The following SLC9D1 variants were observed in gnomAD, a reference collection of about 807,000 sequenced individuals.
SLC9D1 encodes the protein solute carrier family 9 member D1.
chr13:113,502,050 G>A, the SLC9D1 span, among the ~76,000 whole-genome samples: 2 of 152,176 alleles, frequency 1.3e-5, no homozygotes, highest in African/African-American at 4.8e-5. Flanking sequence ...TCAGGAAGTC[G>A]CTGTGCCTGT....
the SLC9D1 span, among the ~76,000 whole-genome samples, chr13:113,506,378 G>GC: frequency 4.7e-5 from 4 of 85,592 alleles, no homozygotes; most frequent in Non-Finnish European, 8.7e-5. Context: ...GGAGGAAGAA[G>GC]CTGTTATGGG....
At chr13:113,517,637 G>T in the SLC9D1 span, among the ~76,000 whole-genome samples, 40,819 of 152,078 alleles carry the variant, frequency 0.27, 9,236 homozygotes, top group African/African-American at 0.62. Context: ...TGGATAATTT[G>T]CAGATATAGT....
At chr13:113,498,756 C>G in the SLC9D1 span, 1 of 375,844 alleles carries the variant, frequency 2.7e-6, no homozygotes. Context: ...AGCAGCTTGT[C>G]TGCATTTTCC....
chr13:113,494,986 C>T, the SLC9D1 span, among the ~76,000 whole-genome samples: 1 of 152,034 alleles, frequency 6.6e-6, no homozygotes, highest in South Asian at 2.1e-4. Flanking sequence ...CGGGTTCTAG[C>T]GATTAGTAGC....
the SLC9D1 span, among the ~76,000 whole-genome samples, chr13:113,517,444 G>C: frequency 2.9e-4 from 44 of 152,246 alleles, no homozygotes; most frequent in African/African-American, 1.0e-3. Context: ...TAGCCAGGAT[G>C]GTCTCGATCT....
At chr13:113,495,714 C>G in the SLC9D1 span, 215 of 1,613,330 alleles carry the variant, frequency 1.3e-4, 2 homozygotes, top group East Asian at 4.1e-3. Flanking sequence ...GGCTGCCATG[C>G]AGAGCCGGCA....
At chr13:113,495,762 C>T in the SLC9D1 span, 1 of 1,614,098 alleles carries the variant, frequency 6.2e-7, no homozygotes, top group Non-Finnish European at 8.5e-7. Context: ...CTCAGGGCTT[C>T]TCCGCCAGAA....
chr13:113,533,486 G>A, the SLC9D1 span, among the ~76,000 whole-genome samples: 56,568 of 152,048 alleles, frequency 0.37, 11,823 homozygotes, highest in African/African-American at 0.56. Flanking sequence ...GTATATTTGT[G>A]AAGACGGCAG....
At chr13:113,498,823 G>A in the SLC9D1 span, among the ~76,000 whole-genome samples, 1 of 152,178 alleles carries the variant, frequency 6.6e-6, no homozygotes, top group Admixed American at 6.5e-5. Context: ...CTGGACAGTT[G>A]GGTTTAATGC....
chr13:113,533,737 G>T, the SLC9D1 span, among the ~76,000 whole-genome samples: 1 of 152,216 alleles, frequency 6.6e-6, no homozygotes, highest in East Asian at 1.9e-4. Flanking sequence ...GAGGCCTGGC[G>T]AGGAATTTTA....
At chr13:113,541,411 T>A in the SLC9D1 span, among the ~76,000 whole-genome samples, 3 of 146,986 alleles carry the variant, frequency 2.0e-5, no homozygotes, top group Non-Finnish European at 2.9e-5. Context: ...CGATCGCTGA[T>A]CACTGCCATG....
At chr13:113,524,493 C>A in the SLC9D1 span, among the ~76,000 whole-genome samples, 1 of 152,108 alleles carries the variant, frequency 6.6e-6, no homozygotes, top group Non-Finnish European at 1.5e-5. Flanking sequence ...TGCCACCACA[C>A]CTGGCTAATT....
the SLC9D1 span, chr13:113,529,726 C>T: frequency 6.6e-6 from 1 of 152,024 alleles, no homozygotes; most frequent in Non-Finnish European, 1.5e-5. Context: ...CACAGAGCTC[C>T]CATTTGACCC....
the SLC9D1 span, among the ~76,000 whole-genome samples, chr13:113,546,256 G>A: frequency 6.6e-6 from 1 of 152,098 alleles, no homozygotes; most frequent in Non-Finnish European, 1.5e-5. The surrounding 1 kb of genome is among the most constrained non-coding windows in gnomAD (Gnocchi z 7.1). Flanking sequence ...GGGGAAGCAG[G>A]ACTGGGGCCG....
At chr13:113,528,720 A>G in the SLC9D1 span, 1 of 146,856 alleles carries the variant, frequency 6.8e-6, no homozygotes, top group Non-Finnish European at 1.5e-5. Flanking sequence ...GAGGGTCCTT[A>G]TGATAAGAGG....
chr13:113,546,495 C>T, the SLC9D1 span, among the ~76,000 whole-genome samples: 1 of 152,130 alleles, frequency 6.6e-6, no homozygotes, highest in Non-Finnish European at 1.5e-5. This position sits in a 1 kb window ranked among gnomAD's most constrained non-coding sequence, Gnocchi z 7.1. Flanking sequence ...CGCAAGAGAA[C>T]CCCGGGTCGT....
the SLC9D1 span, among the ~76,000 whole-genome samples, chr13:113,500,837 C>T: frequency 1.3e-5 from 2 of 152,194 alleles, no homozygotes; most frequent in Non-Finnish European, 2.9e-5. Flanking sequence ...AGGAAGAGGA[C>T]TAGCCAGAGA....
chr13:113,502,607 G>A, the SLC9D1 span, among the ~76,000 whole-genome samples: 7 of 152,190 alleles, frequency 4.6e-5, no homozygotes, highest in African/African-American at 1.2e-4. Context: ...GCTGGGCCCC[G>A]TCACACTGAT....
the SLC9D1 span, chr13:113,549,383 C>A: frequency 6.2e-7 from 1 of 1,606,110 alleles, no homozygotes; most frequent in South Asian, 1.1e-5. Flanking sequence ...AGGTGCTAGT[C>A]CTGACAGTCT....
Sources: gnomAD v4.1 joint callset for allele counts (sites outside exome capture counted in the v4.1 genomes callset) on GRCh38, gnomAD v4.1.1 for gene constraint, Gnocchi (gnomAD v3.1) non-coding constraint, MANE v1.5 for transcripts, NCBI Gene and HGNC (gene_info 2026-07-23, HGNC 2026-07-21) for gene names.